Variants in THSD4 observed in about 807,000 individuals in gnomAD.
THSD4 encodes the protein thrombospondin type 1 domain containing 4.
In THSD4, 69 loss-of-function variants were observed where a neutral mutation model predicts 119.0. That is an observed-to-expected ratio of 0.58 (90% CI 0.48 to 0.71). THSD4 has a LOEUF of 0.71. Ranked by LOEUF, THSD4 falls within the 30% of genes least tolerant of loss-of-function variation. THSD4 has a pLI of 0.00. For missense variants in THSD4, 1,393 were observed against 1,391.1 expected (o/e 1.00, Z -0.02); for synonymous variants, 524 against 540.4 (o/e 0.97, Z 0.42).
At chr15:71,474,395 G>GT (rs1169860896) in intron 7 of THSD4, among the ~76,000 whole-genome samples, 3 of 151,832 alleles carry the variant, frequency 2.0e-5, no homozygotes, top group East Asian at 1.9e-4. Flanking sequence ...AATTTTTGTA[G>GT]TTTTTTTAGT....
intron 6 of THSD4, among the ~76,000 whole-genome samples, chr15:71,406,644 GT>G (rs1469052964): frequency 0.011 from 22 of 2,076 alleles, no homozygotes; most frequent in Admixed American, 0.022. Flanking sequence ...GGTTTGTTTG[GT>G]GTGTGTGTGT....
At position 71,471,650 on chromosome 15, in the gene THSD4, C is replaced by G. The variant is rs532264487; in HGVS notation, c.1152+59827C>G. Among the ~76,000 whole-genome samples the G allele has an allele frequency of 1.2e-3, 187 of 151,398 alleles. 1 individual carries two copies. Among genetic ancestry groups the G allele is most frequent in the African/African-American group, 4.1e-3 (171 of 41,284 alleles). On this transcript the variant is annotated intron_variant, in intron 7 of 17. Transcript: ENST00000261862. ...GCTCAGACATGCCTGGCTCCACTTCCTGGCCCAGCCTCATACTAGATATGT... is the reference window on the plus strand; with the variant it reads ...GCTCAGACATGCCTGGCTCCACTTCGTGGCCCAGCCTCATACTAGATATGT...
intron 6 of THSD4, among the ~76,000 whole-genome samples, chr15:71,345,268 G>A (rs2045639532): frequency 6.6e-6 from 1 of 152,034 alleles, no homozygotes; most frequent in South Asian, 2.1e-4. Flanking sequence ...TATACTTGTG[G>A]CCTGCCAGAT....
intron 10 of THSD4, among the ~76,000 whole-genome samples, chr15:71,736,055 G>C (rs906733678): frequency 2.5e-4 from 28 of 113,218 alleles, no homozygotes; most frequent in African/African-American, 9.3e-4. Flanking sequence ...CTTGCTTTCT[G>C]TCTCTATCTC....
At chr15:71,759,015 T>A (rs540170818) in intron 15 of THSD4, among the ~76,000 whole-genome samples, 1 of 152,146 alleles carries the variant, frequency 6.6e-6, no homozygotes, top group Admixed American at 6.5e-5. Context: ...AACAGAGATG[T>A]TCATGACAGC....
At chr15:71,594,322 C>T (rs1392369391) in intron 7 of THSD4, among the ~76,000 whole-genome samples, 4 of 152,090 alleles carry the variant, frequency 2.6e-5, no homozygotes, top group African/African-American at 9.7e-5. Context: ...TATTCTCCTG[C>T]CTCAGCTTCC....
At chr15:71,481,972 C>G (rs1053598435) in intron 7 of THSD4, among the ~76,000 whole-genome samples, 45 of 152,178 alleles carry the variant, frequency 3.0e-4, no homozygotes, top group Non-Finnish European at 5.9e-5. Context: ...CATAAGTGCC[C>G]TTCCCAAAGT....
chr15:71,286,416 G>C (rs1483394742), intron 6 of THSD4, among the ~76,000 whole-genome samples: 1 of 152,022 alleles, frequency 6.6e-6, no homozygotes, highest in African/African-American at 2.4e-5. Flanking sequence ...GCAGTATTTG[G>C]TTTTCTGTTC....
chr15:71,468,227 C>T (rs1243710604), intron 7 of THSD4, among the ~76,000 whole-genome samples: 1 of 152,200 alleles, frequency 6.6e-6, no homozygotes, highest in African/African-American at 2.4e-5. Flanking sequence ...TGTCTTGCTT[C>T]CCCTTCGCCT....
intron 8 of THSD4, among the ~76,000 whole-genome samples, chr15:71,712,419 G>A (rs1159078354): frequency 6.6e-6 from 1 of 152,172 alleles, no homozygotes; most frequent in Admixed American, 6.5e-5. Flanking sequence ...TGGAAAAGAA[G>A]AAAGAGCTCA....
chr15:71,681,998 G>A (rs1221507150), intron 8 of THSD4, among the ~76,000 whole-genome samples: 2 of 152,202 alleles, frequency 1.3e-5, no homozygotes, highest in African/African-American at 4.8e-5. Context: ...GTCAGCATGT[G>A]AGGGTCATGG....
At position 71,760,768 on chromosome 15, in the gene THSD4, T is replaced by C. The variant is rs560774654; in HGVS notation, c.2589+2693T>C. ...ACAAAAGTGCAACTGCAGGAATTCT[T>C]TAGGTACAGAAACATGCCTAATTGC... On this transcript the variant is annotated intron_variant, in intron 15 of 17. Coordinates refer to ENST00000261862, the MANE Select transcript of THSD4 (RefSeq NM_024817.3). Among the ~76,000 whole-genome samples, 16 of 152,298 alleles carry C rather than the reference T, an allele frequency of 1.1e-4. No individual in the cohort carries two copies. The South Asian group carries it at 3.3e-3, about 32-fold the overall frequency.
intron 7 of THSD4, among the ~76,000 whole-genome samples, chr15:71,632,813 C>A (rs933846064): frequency 1.3e-5 from 2 of 152,214 alleles, no homozygotes; most frequent in African/African-American, 4.8e-5. Flanking sequence ...GAAGACTACA[C>A]AAACAGCTTA....
At chr15:71,706,034 C>T (rs1010563638) in intron 8 of THSD4, among the ~76,000 whole-genome samples, 6 of 152,140 alleles carry the variant, frequency 3.9e-5, no homozygotes, top group African/African-American at 1.4e-4. Context: ...CATAAAGCCT[C>T]AGAGATTGTG....
intron 7 of THSD4, among the ~76,000 whole-genome samples, chr15:71,456,939 T>C (rs2047348346): frequency 1.3e-5 from 2 of 152,174 alleles, no homozygotes; most frequent in African/African-American, 4.8e-5. Context: ...TGGCCTTCCC[T>C]CCAGAAGCTA....
chr15:71,389,810 G>GTTTCTTTTTTTTTT (rs2046348683), intron 6 of THSD4, among the ~76,000 whole-genome samples: 3 of 87,998 alleles, frequency 3.4e-5, no homozygotes, highest in Non-Finnish European at 6.5e-5. Context: ...TTTCTGGGTT[G>GTTTCTTTTTTTTTT]TTTTTTTTTT....
At position 71,120,043 on chromosome 15, in the gene THSD4, T is replaced by C. The variant is rs903787561; in HGVS notation, c.-80+4345T>C. 2.6e-5 allele frequency among the ~76,000 whole-genome samples: 4 copies of C among 152,306 alleles called. No homozygotes were observed. The South Asian group carries it at 8.3e-4, about 32-fold the overall frequency. ...GTGCCTGATCAGTGCTTGAGACAAT[T>C]GGAGCTCAATGTATTGCTGTAACAA... On this transcript the variant is annotated intron_variant, in intron 1 of 17. Coordinates refer to ENST00000261862, the MANE Select transcript of THSD4 (RefSeq NM_024817.3).
chr15:71,391,257 C>T (rs1438775633), intron 6 of THSD4, among the ~76,000 whole-genome samples: 4 of 152,154 alleles, frequency 2.6e-5, no homozygotes, highest in Admixed American at 6.5e-5. Context: ...TCTTGATCTC[C>T]TGACCTCGTG....
chr15:71,319,839 C>G (rs1281740201), intron 6 of THSD4, among the ~76,000 whole-genome samples: 2 of 151,966 alleles, frequency 1.3e-5, no homozygotes, highest in Admixed American at 1.3e-4. Context: ...TATTAATGAC[C>G]GTTTATTTGG....
Sources: allele counts gnomAD v4.1 joint callset (sites outside exome capture counted in the v4.1 genomes callset), GRCh38; gene constraint gnomAD v4.1.1; transcripts MANE v1.5; gene names NCBI Gene and HGNC (gene_info 2026-07-23, HGNC 2026-07-21).